The following NR6A1 variants were observed in gnomAD, a reference collection of about 807,000 sequenced individuals.
The protein encoded by NR6A1 is nuclear receptor subfamily 6 group A member 1.
Under a neutral mutation model 59.1 loss-of-function variants are expected in NR6A1, and 7 were observed. That is an observed-to-expected ratio of 0.12 (90% CI 0.07 to 0.22). The LOEUF is 0.22. NR6A1 is among the 10% of genes least tolerant of loss of function. The pLI is 1.00. For synonymous variants in NR6A1, 243 were observed against 236.1 expected, an observed-to-expected ratio of 1.03 and a Z score of -0.27; for missense variants, 468 against 611.6, an observed-to-expected ratio of 0.77 and a Z score of 2.48.
intron 2 of NR6A1, among the ~76,000 whole-genome samples, chr9:124,673,950 G>A (rs1017076964): frequency 6.6e-6 from 1 of 152,100 alleles, no homozygotes; most frequent in South Asian, 2.1e-4. Context: ...CACATATTAG[G>A]TGGTAATTAA....
At chr9:124,565,204 G>A (rs1008127063) in intron 2 of NR6A1, among the ~76,000 whole-genome samples, 10 of 152,170 alleles carry the variant, frequency 6.6e-5, no homozygotes, top group East Asian at 5.8e-4. Context: ...TCTGGCGGGC[G>A]GATCATGAGG....
At chr9:124,599,159 T>C in intron 2 of NR6A1, 2 of 597,016 alleles carry the variant, frequency 3.3e-6, no homozygotes, top group South Asian at 3.2e-5. Flanking sequence ...AAGTTCCTCT[T>C]TGGCCGGGGG....
intron 2 of NR6A1, among the ~76,000 whole-genome samples, chr9:124,606,496 T>C (rs1835577924): frequency 6.6e-6 from 1 of 152,180 alleles, no homozygotes; most frequent in East Asian, 1.9e-4. Flanking sequence ...CATAATTCTA[T>C]AGAAAGAGCT....
At chr9:124,746,845 G>A (rs1564265545) in intron 1 of NR6A1, among the ~76,000 whole-genome samples, 1 of 152,092 alleles carries the variant, frequency 6.6e-6, no homozygotes, top group African/African-American at 2.4e-5. Flanking sequence ...AGACTGCATT[G>A]GAAAAATAGG....
chr9:124,758,413 A>G (rs1033707116), intron 1 of NR6A1, among the ~76,000 whole-genome samples: 4 of 152,152 alleles, frequency 2.6e-5, no homozygotes, highest in Admixed American at 1.3e-4. Context: ...GGAAGACAGC[A>G]CTCTTCTCAA....
intron 2 of NR6A1, among the ~76,000 whole-genome samples, chr9:124,720,313 A>C (rs1839529279): frequency 6.6e-6 from 1 of 152,154 alleles, no homozygotes; most frequent in Non-Finnish European, 1.5e-5. Flanking sequence ...AGCCTCCCAA[A>C]GTGCTAGGAT....
intron 2 of NR6A1, among the ~76,000 whole-genome samples, chr9:124,660,544 A>G (rs528561212): frequency 6.6e-6 from 1 of 151,892 alleles, no homozygotes; most frequent in South Asian, 2.1e-4. Context: ...TTGTTAGCAC[A>G]GAGTCACAGG....
intron 2 of NR6A1, among the ~76,000 whole-genome samples, chr9:124,556,378 G>A (rs985957794): frequency 1.3e-5 from 2 of 152,112 alleles, no homozygotes; most frequent in Non-Finnish European, 2.9e-5. Context: ...GAAGTTGGAA[G>A]AGGCAAGGAA....
intron 2 of NR6A1, among the ~76,000 whole-genome samples, chr9:124,640,476 T>C (rs1836738396): frequency 6.6e-6 from 1 of 152,112 alleles, no homozygotes; most frequent in African/African-American, 2.4e-5. Flanking sequence ...CGTAGCTCAC[T>C]GTAACCATGA....
At chr9:124,647,026 T>C (rs1836949132) in intron 2 of NR6A1, among the ~76,000 whole-genome samples, 2 of 152,220 alleles carry the variant, frequency 1.3e-5, no homozygotes, top group African/African-American at 2.4e-5. Context: ...ATGATCTTCC[T>C]GCCTCTGTCT....
chr9:124,674,428 G>A (rs1271982079), intron 2 of NR6A1, among the ~76,000 whole-genome samples: 4 of 152,016 alleles, frequency 2.6e-5, no homozygotes, highest in African/African-American at 9.7e-5. Flanking sequence ...GTGATCTTGG[G>A]CAATTTATTT....
rs529857883 is a variant in NR6A1 at position 124,702,894 on chromosome 9, T to C, written c.142+30414A>G. Among the ~76,000 whole-genome samples the C allele has an allele frequency of 8.6e-5, 13 of 152,020 alleles. 1 individual carries two copies. In the South Asian group the frequency reaches 2.7e-3, roughly 32 times the overall value. On this transcript the variant is annotated intron_variant, in intron 2 of 9. Transcript: ENST00000487099. ...AACAGAATTTTGCCTATTCTACGAA[T>C]AGGCAAATTTTTTTTTTTTCTCTTG...
chr9:124,593,780 T>C (rs368843703), intron 2 of NR6A1, among the ~76,000 whole-genome samples: 1 of 152,284 alleles, frequency 6.6e-6, no homozygotes, highest in African/African-American at 2.4e-5. Flanking sequence ...GTGTGCACAA[T>C]GGCCTCTCTT....
At chr9:124,687,291 A>ATTATTTATTTATTTATTTAT (rs142524533) in intron 2 of NR6A1, among the ~76,000 whole-genome samples, 259 of 142,172 alleles carry the variant, frequency 1.8e-3, no homozygotes, top group African/African-American at 6.2e-3. Context: ...CAGCTAATTA[A>ATTATTTATTTATTTATTTAT]TTATTTATTT....
chr9:124,740,061 A>T (rs931920799), intron 1 of NR6A1, among the ~76,000 whole-genome samples: 1 of 152,180 alleles, frequency 6.6e-6, no homozygotes, highest in African/African-American at 2.4e-5. Context: ...CAACCACTTT[A>T]TCTCTTGCTT....
At chr9:124,746,380 G>C (rs1019280319) in intron 1 of NR6A1, among the ~76,000 whole-genome samples, 3 of 152,194 alleles carry the variant, frequency 2.0e-5, no homozygotes, top group African/African-American at 7.2e-5. Flanking sequence ...CCTGAGGTCA[G>C]GAGTTCAAGA....
intron 2 of NR6A1, among the ~76,000 whole-genome samples, chr9:124,672,291 A>G (rs1424589747): frequency 6.6e-6 from 1 of 152,186 alleles, no homozygotes; most frequent in Non-Finnish European, 1.5e-5. Flanking sequence ...CAGTGCACAC[A>G]TTATGCATTT....
At chr9:124,602,636 T>C (rs1172405658) in intron 2 of NR6A1, among the ~76,000 whole-genome samples, 2 of 152,214 alleles carry the variant, frequency 1.3e-5, no homozygotes, top group African/African-American at 4.8e-5. Context: ...TGTTCATACA[T>C]CCATCTACCT....
chr9:124,538,030 G>A, intron 6 of NR6A1, 62 bp downstream of exon 6: 1 of 1,390,254 alleles, frequency 7.2e-7, no homozygotes, highest in Non-Finnish European at 9.9e-7. Context: ...AGGGACGCGA[G>A]TGGGTGTGGG....
Sources: allele counts gnomAD v4.1 joint callset (sites outside exome capture counted in the v4.1 genomes callset), GRCh38; gene constraint gnomAD v4.1.1; transcripts MANE v1.5; gene names NCBI Gene and HGNC (gene_info 2026-07-23, HGNC 2026-07-21).